The following AFG2A variants were observed in gnomAD, a reference collection of about 807,000 sequenced individuals.
AFG2A encodes AAA ATPase AFG2A, also known as ATPase family gene 2 protein homolog A.
chr4:123,235,888 T>G, the AFG2A span, among the ~76,000 whole-genome samples: 1 of 152,356 alleles, frequency 6.6e-6, no homozygotes, highest in African/African-American at 2.4e-5. Flanking sequence ...ATTTTTTAAC[T>G]ATTCTGCTTA....
chr4:122,967,285 A>G, the AFG2A span, among the ~76,000 whole-genome samples: 1 of 151,960 alleles, frequency 6.6e-6, no homozygotes, highest in Non-Finnish European at 1.5e-5. Context: ...CTGTAGTCCT[A>G]GCTACTTGGG....
chr4:123,133,116 T>C, the AFG2A span, among the ~76,000 whole-genome samples: 4 of 152,094 alleles, frequency 2.6e-5, no homozygotes, highest in Non-Finnish European at 5.9e-5. Flanking sequence ...CCAACCTAAA[T>C]AGCAGGCAGA....
At chr4:123,062,274 A>T in the AFG2A span, among the ~76,000 whole-genome samples, 1 of 152,190 alleles carries the variant, frequency 6.6e-6, no homozygotes, top group Admixed American at 6.5e-5. Flanking sequence ...TTTCATTGTT[A>T]TGTAAACATC....
At chr4:123,018,378 C>T in the AFG2A span, among the ~76,000 whole-genome samples, 2 of 151,974 alleles carry the variant, frequency 1.3e-5, no homozygotes, top group African/African-American at 2.4e-5. Flanking sequence ...AATAATTTTA[C>T]GGTAGTTATG....
At chr4:123,020,750 T>C in the AFG2A span, among the ~76,000 whole-genome samples, 3 of 152,198 alleles carry the variant, frequency 2.0e-5, no homozygotes, top group South Asian at 4.1e-4. Context: ...TATAATTCAT[T>C]TAATAGTTGT....
the AFG2A span, among the ~76,000 whole-genome samples, chr4:123,238,445 A>G: frequency 6.6e-6 from 1 of 152,096 alleles, no homozygotes; most frequent in African/African-American, 2.4e-5. Context: ...GACACCTCAT[A>G]CAGGCGGGTT....
chr4:123,113,957 C>G, the AFG2A span, among the ~76,000 whole-genome samples: 1 of 152,034 alleles, frequency 6.6e-6, no homozygotes, highest in African/African-American at 2.4e-5. Context: ...GCAGGTTGTC[C>G]CGACGAATGT....
At chr4:123,061,020 C>T in the AFG2A span, among the ~76,000 whole-genome samples, 1 of 152,186 alleles carries the variant, frequency 6.6e-6, no homozygotes, top group East Asian at 1.9e-4. Flanking sequence ...ACTCCAGTTT[C>T]CAACATGTTC....
the AFG2A span, among the ~76,000 whole-genome samples, chr4:123,113,088 T>C: frequency 2.0e-5 from 3 of 152,224 alleles, no homozygotes; most frequent in Admixed American, 6.5e-5. Flanking sequence ...TCCAATGTGT[T>C]TGGATTCAAG....
chr4:123,272,442 T>C, the AFG2A span, among the ~76,000 whole-genome samples: 6 of 152,224 alleles, frequency 3.9e-5, no homozygotes, highest in Admixed American at 1.3e-4. Context: ...CATTAGGTGC[T>C]ATATGGCTGT....
the AFG2A span, among the ~76,000 whole-genome samples, chr4:123,288,113 C>T: frequency 2.0e-5 from 3 of 152,092 alleles, no homozygotes; most frequent in Admixed American, 6.6e-5. Flanking sequence ...GAGGATTGAC[C>T]ATAGGATTAG....
the AFG2A span, among the ~76,000 whole-genome samples, chr4:123,001,187 TTCTC>T: frequency 6.6e-6 from 1 of 150,928 alleles, no homozygotes. Context: ...TATTTGATTC[TTCTC>T]TCTTTTTTTC....
the AFG2A span, chr4:122,938,003 A>G: frequency 1.0e-6 from 1 of 955,700 alleles, no homozygotes; most frequent in Non-Finnish European, 1.5e-6. Context: ...ACATTATAAT[A>G]TCTTTATAAT....
chr4:123,082,738 A>C, the AFG2A span, among the ~76,000 whole-genome samples: 1 of 151,938 alleles, frequency 6.6e-6, no homozygotes, highest in East Asian at 1.9e-4. Flanking sequence ...ATTGCATTGA[A>C]TCTGTGGATC....
chr4:122,924,175 A>G, the AFG2A span, among the ~76,000 whole-genome samples: 13 of 152,306 alleles, frequency 8.5e-5, no homozygotes, highest in East Asian at 2.5e-3. Context: ...CTGAAGGTTC[A>G]ACTTGTTTTT....
At chr4:123,223,580 G>T in the AFG2A span, among the ~76,000 whole-genome samples, 2 of 152,140 alleles carry the variant, frequency 1.3e-5, no homozygotes, top group African/African-American at 4.8e-5. Context: ...GCAAGAGGAA[G>T]AGAGAGGCAG....
At chr4:123,062,182 A>G in the AFG2A span, among the ~76,000 whole-genome samples, 1 of 152,026 alleles carries the variant, frequency 6.6e-6, no homozygotes, top group Non-Finnish European at 1.5e-5. Flanking sequence ...TTTAGTGTAT[A>G]CCTCCCTCTC....
chr4:123,097,777 A>G, the AFG2A span, among the ~76,000 whole-genome samples: 1 of 152,166 alleles, frequency 6.6e-6, no homozygotes, highest in Non-Finnish European at 1.5e-5. Context: ...TGTGGGTCTT[A>G]CTTCATTTCG....
At chr4:122,946,363 G>A in the AFG2A span, among the ~76,000 whole-genome samples, 1 of 152,256 alleles carries the variant, frequency 6.6e-6, no homozygotes, top group Admixed American at 6.5e-5. Context: ...CTTGCCTTTG[G>A]GCAAGGAATG....
Sources: allele counts gnomAD v4.1 joint callset (sites outside exome capture counted in the v4.1 genomes callset), GRCh38; gene constraint gnomAD v4.1.1; transcripts MANE v1.5; gene names NCBI Gene and HGNC (gene_info 2026-07-23, HGNC 2026-07-21).